The following SLC1A1 variants were observed in gnomAD, a reference collection of about 807,000 sequenced individuals.
The protein encoded by SLC1A1 is solute carrier family 1 member 1, also known as excitatory amino acid transporter 3.
Under a neutral mutation model 53.3 loss-of-function variants are expected in SLC1A1, and 43 were observed. That is an observed-to-expected ratio of 0.81 (90% confidence interval 0.63 to 1.04). The LOEUF is 1.04. Ranked by LOEUF, SLC1A1 falls within the 50% of genes least tolerant of loss-of-function variation. The pLI is 0.00. For synonymous variants in SLC1A1, 307 were observed against 243.2 expected (o/e 1.26, Z -2.44); for missense variants, 748 against 664.9 (o/e 1.12, Z -1.37).
intron 1 of SLC1A1, among the ~76,000 whole-genome samples, chr9:4,500,155 T>C (rs1003711246): frequency 2.6e-5 from 4 of 152,184 alleles, no homozygotes; most frequent in African/African-American, 9.6e-5. Context: ...ATTGCAAATT[T>C]CCCGTGTCGC....
In SLC1A1 at chr9:4,537,599, A is replaced by AAAATAAAAT. The variant is rs1491517188; in HGVS notation, c.92-6965_92-6964insTAAAATAAA. Among the ~76,000 whole-genome samples the AAAATAAAAT allele has an allele frequency of 3.1e-3, 87 of 28,240 alleles. 22 individuals are homozygous for AAAATAAAAT. Among genetic ancestry groups the AAAATAAAAT allele is most frequent in the Non-Finnish European group, 4.6e-3 (60 of 13,078 alleles). The allele number at this position is 28,240 out of a possible 152,430, so 18.5% of individuals were successfully genotyped here. On this transcript the variant is annotated intron_variant, in intron 1 of 11. Transcript: ENST00000262352. ...AAAATAAAATAAAATAAAATAAAAT[A>AAAATAAAAT]AAAAAAAAAAAAATCACATGCTACA...
intron 3 of SLC1A1, among the ~76,000 whole-genome samples, chr9:4,562,113 C>T (rs1819012557): frequency 6.8e-6 from 1 of 147,820 alleles, no homozygotes; most frequent in Non-Finnish European, 1.5e-5. Context: ...CTCTTGTCAC[C>T]CAGGCTAGAG....
intron 1 of SLC1A1, among the ~76,000 whole-genome samples, chr9:4,522,197 G>A (rs1047759615): frequency 2.0e-5 from 3 of 151,530 alleles, no homozygotes; most frequent in Non-Finnish European, 2.9e-5. Flanking sequence ...GACTACAGGC[G>A]CCCACCACCA....
chr9:4,580,320 C>G (rs1043162325), intron 10 of SLC1A1, among the ~76,000 whole-genome samples: 1 of 152,082 alleles, frequency 6.6e-6, no homozygotes, highest in African/African-American at 2.4e-5. Context: ...GAGGCTCACA[C>G]CTGTAATATC....
intron 1 of SLC1A1, among the ~76,000 whole-genome samples, chr9:4,522,040 C>CTCT (rs1816092090): frequency 7.7e-6 from 1 of 129,168 alleles, no homozygotes; most frequent in African/African-American, 2.9e-5. Context: ...CAGAACCTGC[C>CTCT]TCTTTTTTTT....
intron 2 of SLC1A1, among the ~76,000 whole-genome samples, chr9:4,555,767 T>C (rs182620992): frequency 2.6e-5 from 4 of 152,258 alleles, no homozygotes; most frequent in Admixed American, 1.3e-4. Flanking sequence ...ATCAAGCCTC[T>C]CCTGCTCATC....
intron 1 of SLC1A1, among the ~76,000 whole-genome samples, chr9:4,524,792 C>A (rs904561951): frequency 6.6e-6 from 1 of 152,082 alleles, no homozygotes; most frequent in African/African-American, 2.4e-5. Flanking sequence ...AGAGGAAAAA[C>A]CCGAGGGGTA....
intron 1 of SLC1A1, among the ~76,000 whole-genome samples, chr9:4,525,218 C>T (rs1326373317): frequency 6.6e-6 from 1 of 152,104 alleles, no homozygotes; most frequent in East Asian, 1.9e-4. Flanking sequence ...CTAAGGAAAA[C>T]CTTAAGAAAG....
intron 3 of SLC1A1, among the ~76,000 whole-genome samples, chr9:4,563,835 T>C (rs1219690499): frequency 6.6e-6 from 1 of 152,148 alleles, no homozygotes; most frequent in African/African-American, 2.4e-5. Context: ...TTTTCCTACA[T>C]GACTGCTTTC....
At chr9:4,518,535 A>G (rs950394312) in intron 1 of SLC1A1, among the ~76,000 whole-genome samples, 2 of 152,062 alleles carry the variant, frequency 1.3e-5, no homozygotes, top group African/African-American at 4.8e-5. Context: ...CCTGGCCTAC[A>G]GTATGGTTTT....
At chr9:4,560,604 A>G (rs1818843055) in intron 2 of SLC1A1, among the ~76,000 whole-genome samples, 1 of 152,136 alleles carries the variant, frequency 6.6e-6, no homozygotes, top group African/African-American at 2.4e-5. Context: ...TTATAATTGT[A>G]TATAAACATT....
chr9:4,566,710 A>T (rs539284650), intron 5 of SLC1A1, among the ~76,000 whole-genome samples: 21 of 152,070 alleles, frequency 1.4e-4, no homozygotes, highest in African/African-American at 4.4e-4. Context: ...AAAAAAATAT[A>T]AAAAATCGTT....
At position 4,566,109 on chromosome 9, in the gene SLC1A1, C is replaced by T; in HGVS notation, c.483+20C>T. On this transcript the variant is annotated intron_variant, in intron 5 of 11. Coordinates refer to ENST00000262352, the MANE Select transcript of SLC1A1 (RefSeq NM_004170.6). ...CAGCAGGTAATATTAATTACTTGTG[C>T]CCTTAACTTGCTACCCTCTTCCCAT... is the stretch of plus-strand genomic sequence containing the variant. The T allele has an allele frequency of 6.3e-7, 1 of 1,599,424 alleles. No homozygotes were observed. Among genetic ancestry groups the T allele is most frequent in the Non-Finnish European group, 8.6e-7 (1 of 1,166,922 alleles).
At position 4,549,400 on chromosome 9, in the gene SLC1A1, C is replaced by T. The variant is rs1038674094; in HGVS notation, c.232+4693C>T. Among the ~76,000 whole-genome samples the T allele has an allele frequency of 6.6e-6, 1 of 152,194 alleles. No individual in the cohort carries two copies. The highest frequency in any genetic ancestry group is 1.5e-5 in the Non-Finnish European group (1 of 68,042). ...TCTCCAAAGTGCAGCTGAGACCACA[C>T]TTCTACTCAGGACATAATCTTTGCT... On this transcript the variant is annotated intron_variant, in intron 2 of 11. Transcript: ENST00000262352. This position sits in a 1 kb window ranked among gnomAD's most constrained non-coding sequence, Gnocchi z 4.1.
At chr9:4,504,853 G>C (rs905510192) in intron 1 of SLC1A1, among the ~76,000 whole-genome samples, 2 of 152,048 alleles carry the variant, frequency 1.3e-5, no homozygotes, top group Non-Finnish European at 2.9e-5. Flanking sequence ...TTCTAAATTA[G>C]ACATCTTTAC....
At chr9:4,538,080 G>T (rs1246453233) in intron 1 of SLC1A1, among the ~76,000 whole-genome samples, 1 of 152,150 alleles carries the variant, frequency 6.6e-6, no homozygotes, top group Non-Finnish European at 1.5e-5. Flanking sequence ...CTGACATATA[G>T]TATGTGTTTA....
At chr9:4,512,102 GATGACTCA>G (rs1821017997) in intron 1 of SLC1A1, among the ~76,000 whole-genome samples, 1 of 152,164 alleles carries the variant, frequency 6.6e-6, no homozygotes, top group Non-Finnish European at 1.5e-5. Flanking sequence ...TCATGGATTG[GATGACTCA>G]ACATAGTAAT....
intron 1 of SLC1A1, among the ~76,000 whole-genome samples, chr9:4,518,637 G>T (rs1237214350): frequency 1.3e-5 from 2 of 152,138 alleles, no homozygotes; most frequent in African/African-American, 4.8e-5. Context: ...AACTCCAGCT[G>T]CCTGTCAATG....
intron 1 of SLC1A1, among the ~76,000 whole-genome samples, chr9:4,500,412 A>G (rs1477194014): frequency 6.6e-6 from 1 of 152,104 alleles, no homozygotes; most frequent in African/African-American, 2.4e-5. Context: ...GGTTCAAACA[A>G]TTCTCCTGCC....
Sources: gnomAD v4.1 joint callset for allele counts (sites outside exome capture counted in the v4.1 genomes callset) on GRCh38, gnomAD v4.1.1 for gene constraint, Gnocchi (gnomAD v3.1) non-coding constraint, MANE v1.5 for transcripts, NCBI Gene and HGNC (gene_info 2026-07-23, HGNC 2026-07-21) for gene names.